HSD17B3: variants seen among roughly 807,000 people sequenced by gnomAD.
The protein encoded by HSD17B3 is 17-beta-hydroxysteroid dehydrogenase type 3.
HSD17B3 carries 29 observed loss-of-function variants against 41.1 expected under a neutral mutation model. That is an observed-to-expected ratio of 0.71 (90% CI 0.53 to 0.96). HSD17B3 has a LOEUF of 0.96. HSD17B3 is among the 40% of genes least tolerant of loss of function. The pLI is 0.00. For synonymous variants in HSD17B3, 126 were observed against 145.6 expected (o/e 0.87, Z 0.97); for missense variants, 323 against 374.6 (o/e 0.86, Z 1.14).
chr9:96,300,809 C>T (rs1473847688), intron 1 of HSD17B3, among the ~76,000 whole-genome samples: 2 of 152,164 alleles, frequency 1.3e-5, no homozygotes, highest in African/African-American at 4.8e-5. Context: ...TTGACACCAG[C>T]CAGACCCAGA....
Position 96,250,180 on chromosome 9 carries a change from T to C in HSD17B3, c.454-394A>G, listed in dbSNP as rs946210415. 7 of 1,166,598 alleles carry C rather than the reference T, an allele frequency of 6.0e-6. No homozygotes were observed. The African/African-American group carries it at 1.1e-4, about 18-fold the overall frequency. The allele number at this position is 1,166,598 out of a possible 1,614,324, so 72.3% of individuals were successfully genotyped here. On this transcript the variant is annotated intron_variant, in intron 5 of 10. Transcript: ENST00000375263. Reference sequence around the variant, plus strand: ...GTTGTATAATATAAGGTAGAGGTTCTGGGCTATGGAGGGCAGGTAAAGAAA... The same window carrying C: ...GTTGTATAATATAAGGTAGAGGTTCCGGGCTATGGAGGGCAGGTAAAGAAA...
intron 10 of HSD17B3, among the ~76,000 whole-genome samples, chr9:96,236,514 C>CATAAATAAATAAATAA (rs10524217): frequency 0.011 from 1,575 of 137,118 alleles, 24 homozygotes; most frequent in African/African-American, 0.034. Context: ...GAGAGTCTGT[C>CATAAATAAATAAATAA]ATAAATAAAT....
At chr9:96,265,838 T>C (rs757992054) in intron 2 of HSD17B3, among the ~76,000 whole-genome samples, 13 of 152,212 alleles carry the variant, frequency 8.5e-5, no homozygotes, top group Non-Finnish European at 1.5e-4. Flanking sequence ...GGAGATTTCA[T>C]TTTACCTTTT....
intron 2 of HSD17B3, among the ~76,000 whole-genome samples, chr9:96,257,573 A>C (rs1347077552): frequency 6.6e-6 from 1 of 152,160 alleles, no homozygotes; most frequent in Non-Finnish European, 1.5e-5. Context: ...TTTTAACTTA[A>C]TGACGTATTT....
intron 2 of HSD17B3, among the ~76,000 whole-genome samples, chr9:96,275,589 GAAAA>G (rs949343345): frequency 7.1e-6 from 1 of 140,220 alleles, no homozygotes; most frequent in Admixed American, 7.1e-5. Flanking sequence ...CAGAAAAAAA[GAAAA>G]AAAAAAGCAA....
At chr9:96,300,209 G>C (rs868719555) in intron 1 of HSD17B3, among the ~76,000 whole-genome samples, 10 of 116,310 alleles carry the variant, frequency 8.6e-5, no homozygotes, top group East Asian at 5.6e-4. Context: ...ACCCCAAGAG[G>C]ACACACACAC....
intron 2 of HSD17B3, among the ~76,000 whole-genome samples, chr9:96,275,325 T>C (rs1201736174): frequency 1.3e-5 from 2 of 152,090 alleles, no homozygotes; most frequent in Non-Finnish European, 2.9e-5. Context: ...TGGATAAATA[T>C]AAAATAATAT....
rs192981275 is a variant in HSD17B3, at chr9:96,249,759, C to G, written c.481G>C (p.Val161Leu). ...ATATATTGATCACATACCTTGACTA[C>G]GGAGGTGATGTTACAATGGATGAGG... Reference protein sequence around the residue: ...QSLIHCNITSVVKMTQLILKH... With the variant: ...QSLIHCNITSLVKMTQLILKH... Residue 161 changes from valine (V) to leucine (L), a missense_variant, in exon 6 of 11, where the codon GTA (valine) becomes CTA (leucine). By Grantham distance (32) the Val-to-Leu change is conservative. Transcript: ENST00000375263. The G allele has an allele frequency of 6.2e-7, 1 of 1,613,906 alleles. No individual in the cohort carries two copies. Among genetic ancestry groups the G allele is most frequent in the South Asian group, 1.1e-5 (1 of 91,076 alleles).
At chr9:96,248,466 G>A (rs1026976989) in intron 6 of HSD17B3, among the ~76,000 whole-genome samples, 3 of 152,218 alleles carry the variant, frequency 2.0e-5, no homozygotes, top group African/African-American at 7.2e-5. Flanking sequence ...TCAGATGGGT[G>A]AGACTGAGCC....
At chr9:96,271,211 A>T (rs547135136) in intron 2 of HSD17B3, among the ~76,000 whole-genome samples, 1 of 152,222 alleles carries the variant, frequency 6.6e-6, no homozygotes, top group East Asian at 1.9e-4. Flanking sequence ...TCCTGAAACC[A>T]TTAAACAGAA....
At chr9:96,270,739 C>T (rs1483967964) in intron 2 of HSD17B3, among the ~76,000 whole-genome samples, 1 of 152,210 alleles carries the variant, frequency 6.6e-6, no homozygotes, top group East Asian at 1.9e-4. Flanking sequence ...GCAGGCCACC[C>T]AGATGTTGCC....
At chr9:96,260,938 C>T (rs941487293) in intron 2 of HSD17B3, among the ~76,000 whole-genome samples, 20 of 152,172 alleles carry the variant, frequency 1.3e-4, no homozygotes, top group Admixed American at 9.2e-4. Context: ...GGAGAGGGCT[C>T]GCAGTAGTCC....
At chr9:96,257,375 G>GC (rs1825705718) in intron 2 of HSD17B3, among the ~76,000 whole-genome samples, 1 of 151,918 alleles carries the variant, frequency 6.6e-6, no homozygotes, top group African/African-American at 2.4e-5. Flanking sequence ...CTCCAAGTCT[G>GC]CCCCCCTGCC....
chr9:96,244,161 G>T, intron 9 of HSD17B3, 168 bp downstream of exon 9: 1 of 748,394 alleles, frequency 1.3e-6, no homozygotes. Context: ...CGCCCCAAAA[G>T]CCCACGTGGC....
At chr9:96,282,059 T>C (rs1209495491) in intron 2 of HSD17B3, among the ~76,000 whole-genome samples, 1 of 152,204 alleles carries the variant, frequency 6.6e-6, no homozygotes, top group Non-Finnish European at 1.5e-5. Context: ...TAACTTAGGA[T>C]AGAACATGGG....
At chr9:96,295,344 TTTTG>T (rs1827317732) in intron 2 of HSD17B3, among the ~76,000 whole-genome samples, 3 of 145,538 alleles carry the variant, frequency 2.1e-5, no homozygotes, top group Admixed American at 6.8e-5. Flanking sequence ...TTGTTTTTGT[TTTTG>T]TTTCAGACGA....
At chr9:96,274,961 G>A (rs983546351) in intron 2 of HSD17B3, among the ~76,000 whole-genome samples, 1 of 152,062 alleles carries the variant, frequency 6.6e-6, no homozygotes, top group African/African-American at 2.4e-5. Flanking sequence ...TAATTAAATT[G>A]TCAAAATTTA....
intron 2 of HSD17B3, among the ~76,000 whole-genome samples, chr9:96,260,936 C>T (rs766177366): frequency 8.5e-5 from 13 of 152,128 alleles, no homozygotes; most frequent in Non-Finnish European, 1.5e-4. Context: ...AAGGAGAGGG[C>T]TCGCAGTAGT....
intron 5 of HSD17B3, 76 bp downstream of exon 5, chr9:96,251,342 G>A (rs1454568132): frequency 1.6e-6 from 2 of 1,264,296 alleles, no homozygotes; most frequent in African/African-American, 2.9e-5. Flanking sequence ...CGCCTTCCCA[G>A]GCCTGACTCA....
Sources: gnomAD v4.1 joint callset for allele counts (sites outside exome capture counted in the v4.1 genomes callset) on GRCh38, gnomAD v4.1.1 for gene constraint, MANE v1.5 for transcripts, NCBI Gene and HGNC (gene_info 2026-07-23, HGNC 2026-07-21) for gene names.